The following OR52E5 variants were observed in gnomAD, a reference collection of about 807,000 sequenced individuals.
OR52E5 encodes the protein olfactory receptor 52E5.
In OR52E5 at chr11:5,901,674, G is replaced by C; in HGVS notation, c.898G>C (p.Glu300Gln). Residue 300 changes from glutamate (E) to glutamine (Q), a missense_variant, in exon 3 of 3, where the codon GAG becomes CAG. By Grantham distance (29) the Glu-to-Gln change is conservative. Coordinates refer to ENST00000610445, the MANE Select transcript of OR52E5 (RefSeq NM_001005166.5). ...IYGVKTKQIR[E>Q]QVLRILNPKS... is the part of the protein sequence containing the mutation. ...TGGGGTCAAAACAAAACAGATACGA[G>C]AGCAGGTACTTAGGATACTCAACCC... is the stretch of plus-strand genomic sequence containing the variant. The C allele has an allele frequency of 2.5e-6, 1 of 401,116 alleles. No individual in the cohort carries two copies. The highest frequency in any genetic ancestry group is 4.4e-6 in the Non-Finnish European group (1 of 226,220). The allele number at this position is 401,116 out of a possible 1,614,324, so 24.8% of individuals were successfully genotyped here.
In OR52E5 at chr11:5,900,647, T is replaced by C. The variant is rs1206795861; in HGVS notation, c.-130T>C. 2 of 396,802 alleles carry C rather than the reference T, an allele frequency of 5.0e-6. No homozygotes were observed. The highest frequency in any genetic ancestry group is 3.6e-5 in the East Asian group (1 of 28,070). The allele number at this position is 396,802 out of a possible 1,614,324, so 24.6% of individuals were successfully genotyped here. Reference sequence around the variant, plus strand: ...CCCTCTCTAGGTCTCTTATGCTATATTATGGAGTTAAAGAATGGATTTTCT... The same window carrying C: ...CCCTCTCTAGGTCTCTTATGCTATACTATGGAGTTAAAGAATGGATTTTCT... On this transcript the variant is annotated 5_prime_UTR_variant, in exon 3 of 3. Coordinates refer to ENST00000610445, the MANE Select transcript of OR52E5 (RefSeq NM_001005166.5).
intron 1 of OR52E5, among the ~76,000 whole-genome samples, chr11:5,893,598 G>T (rs1847133513): frequency 6.6e-6 from 1 of 152,028 alleles, no homozygotes; most frequent in Admixed American, 6.6e-5. Context: ...TGAGAAGGAT[G>T]TTAACAGATC....
intron 2 of OR52E5, among the ~76,000 whole-genome samples, chr11:5,899,818 C>G (rs958825823): frequency 6.6e-6 from 1 of 152,138 alleles, no homozygotes; most frequent in Non-Finnish European, 1.5e-5. Context: ...ACAAGGCACA[C>G]CAGAAAGACT....
chr11:5,901,106 T>C lies in OR52E5; in HGVS notation c.330T>C (p.Thr110=). The change falls in exon 3 of 3, where the codon ACT becomes ACC. Residue 110 remains threonine, a synonymous_variant. Coordinates refer to ENST00000610445, the MANE Select transcript of OR52E5 (RefSeq NM_001005166.5). ...ITQMYTIHIC[T]GLESVVLTVT... ...AGATGTATACCATTCATATATGCAC[T>C]GGCCTGGAGTCTGTGGTACTGACAG... 1 of 401,564 alleles carries C rather than the reference T, an allele frequency of 2.5e-6. No individual in the cohort carries two copies. The highest frequency in any genetic ancestry group is 4.4e-6 in the Non-Finnish European group (1 of 226,308). The allele number at this position is 401,564 out of a possible 1,614,324, so 24.9% of individuals were successfully genotyped here. A position where few individuals can be genotyped will look rare whatever the true frequency, so the allele number is the denominator to read the frequency against.
chr11:5,897,597 A>G (rs1481966969), intron 2 of OR52E5, among the ~76,000 whole-genome samples: 1 of 152,198 alleles, frequency 6.6e-6, no homozygotes, highest in Non-Finnish European at 1.5e-5. Flanking sequence ...AAATCAGTGC[A>G]GGTGTATTTT....
chr11:5,898,952 A>T (rs1405710729), intron 2 of OR52E5, among the ~76,000 whole-genome samples: 1 of 152,148 alleles, frequency 6.6e-6, no homozygotes, highest in East Asian at 1.9e-4. Context: ...TAATTTTAGA[A>T]TAGTTTTTTC....
intron 1 of OR52E5, among the ~76,000 whole-genome samples, chr11:5,894,062 A>G: frequency 6.6e-6 from 1 of 152,206 alleles, no homozygotes; most frequent in East Asian, 1.9e-4. Flanking sequence ...AATACTATAT[A>G]TAACAATAGG....
chr11:5,897,224 C>T (rs999967287), intron 2 of OR52E5, among the ~76,000 whole-genome samples: 1 of 152,072 alleles, frequency 6.6e-6, no homozygotes, highest in Non-Finnish European at 1.5e-5. Context: ...TCTAGTGAAC[C>T]CATCACCCAA....
At chr11:5,899,038 A>C (rs1418617971) in intron 2 of OR52E5, among the ~76,000 whole-genome samples, 3 of 152,128 alleles carry the variant, frequency 2.0e-5, no homozygotes, top group Non-Finnish European at 4.4e-5. Context: ...CATTTTACTG[A>C]TAGTGATTCT....
chr11:5,899,384 T>C (rs1233421352), intron 2 of OR52E5, among the ~76,000 whole-genome samples: 1 of 152,184 alleles, frequency 6.6e-6, no homozygotes, highest in Non-Finnish European at 1.5e-5. Context: ...TTTAGCAGAA[T>C]CGTGACATAT....
intron 2 of OR52E5, among the ~76,000 whole-genome samples, 192 bp downstream of exon 2, chr11:5,895,905 C>T (rs550527539): frequency 1.3e-5 from 2 of 152,008 alleles, no homozygotes; most frequent in Admixed American, 6.6e-5. Context: ...AAAAATTAGC[C>T]GGGCGTGGTG....
intron 1 of OR52E5, 70 bp downstream of exon 1, chr11:5,893,340 A>C (rs1171067446): frequency 6.6e-6 from 1 of 152,150 alleles, no homozygotes; most frequent in African/African-American, 2.4e-5. Flanking sequence ...GATTTGTGGG[A>C]TGATGGAGCT....
intron 2 of OR52E5, among the ~76,000 whole-genome samples, chr11:5,896,420 CAAAAA>C (rs11333518): frequency 1.9e-5 from 2 of 104,614 alleles, no homozygotes; most frequent in Admixed American, 9.6e-5. Flanking sequence ...GACACTGTGT[CAAAAA>C]AAAAAAAAAA....
intron 2 of OR52E5, among the ~76,000 whole-genome samples, chr11:5,896,558 G>T (rs1847178797): frequency 6.6e-6 from 1 of 152,032 alleles, no homozygotes; most frequent in South Asian, 2.1e-4. Context: ...AGGATTTAAA[G>T]GCAGCAAGTG....
chr11:5,896,108 T>C (rs1847170168), intron 2 of OR52E5, among the ~76,000 whole-genome samples: 1 of 151,444 alleles, frequency 6.6e-6, no homozygotes, highest in Non-Finnish European at 1.5e-5. Context: ...TAGGTAGGAA[T>C]ATAAATAGAG....
At chr11:5,899,107 A>G (rs1359571301) in intron 2 of OR52E5, among the ~76,000 whole-genome samples, 2 of 152,028 alleles carry the variant, frequency 1.3e-5, no homozygotes, top group East Asian at 3.9e-4. Context: ...GATTTCTTTC[A>G]TTGGTGTTTT....
Position 5,901,032 on chromosome 11 carries a change from A to T in OR52E5, c.256A>T (p.Ile86Phe), listed in dbSNP as rs1302298361. The T allele has an allele frequency of 7.5e-6, 3 of 401,796 alleles. No homozygotes were observed. Among genetic ancestry groups the T allele is most frequent in the Non-Finnish European group, 1.3e-5 (3 of 226,364 alleles). The allele number at this position is 401,796 out of a possible 1,614,324, so 24.9% of individuals were successfully genotyped here. ...STATIPKMLG[I>F]FWFNLGEIAF... is the part of the protein sequence containing the mutation. ...AGCAACCATCCCCAAGATGCTGGGA[A>T]TTTTCTGGTTTAATCTTGGAGAGAT... is the stretch of plus-strand genomic sequence containing the variant. Residue 86 changes from isoleucine to phenylalanine, a missense_variant, in exon 3 of 3, where the codon ATT becomes TTT. Coordinates refer to ENST00000610445, the MANE Select transcript of OR52E5 (RefSeq NM_001005166.5).
At chr11:5,893,468 C>T (rs1847131610) in intron 1 of OR52E5, among the ~76,000 whole-genome samples, 198 bp downstream of exon 1, 1 of 151,730 alleles carries the variant, frequency 6.6e-6, no homozygotes, top group Non-Finnish European at 1.5e-5. Context: ...CAGACTATTA[C>T]TTAAGGACAT....
At chr11:5,897,810 T>C (rs1847196237) in intron 2 of OR52E5, among the ~76,000 whole-genome samples, 1 of 152,168 alleles carries the variant, frequency 6.6e-6, no homozygotes, top group Non-Finnish European at 1.5e-5. Context: ...ATAATAACCA[T>C]TCTGACTGGT....
Sources: allele counts gnomAD v4.1 joint callset (sites outside exome capture counted in the v4.1 genomes callset), GRCh38; gene constraint gnomAD v4.1.1; transcripts MANE v1.5; gene names NCBI Gene and HGNC (gene_info 2026-07-23, HGNC 2026-07-21).